UBQLN1: variants seen among roughly 807,000 people sequenced by gnomAD.
The protein encoded by UBQLN1 is ubiquilin 1, also known as ubiquilin-1.
UBQLN1 carries 13 observed loss-of-function variants against 65.4 expected under a neutral mutation model. That is an observed-to-expected ratio of 0.20 (90% CI 0.13 to 0.32). The LOEUF (loss-of-function observed/expected upper bound fraction) is 0.32. Ranked by LOEUF, UBQLN1 falls within the 10% of genes least tolerant of loss-of-function variation. The pLI, the probability that UBQLN1 is intolerant of heterozygous loss-of-function variation, is 1.00. For missense variants in UBQLN1, 561 were observed against 724.0 expected (o/e 0.77, Z 2.58); for synonymous variants, 267 against 247.8 (o/e 1.08, Z -0.73).
chr9:83,707,571 T>A lies in UBQLN1; in HGVS notation c.109A>T (p.Met37Leu). 1 of 1,609,484 alleles carries A rather than the reference T, an allele frequency of 6.2e-7. No individual in the cohort carries two copies. The highest frequency in any genetic ancestry group is 1.7e-4 in the Middle Eastern group (1 of 6,046). ...AAAASAEPKI[M>L]KVTVKTPKEK... ...TTCGGGGTCTTCACGGTGACTTTCA[T>A]GATTTTGGGCTCCGCGGAGGCAGCG... The change falls in exon 1 of 11, where the codon ATG (methionine) becomes TTG (leucine). Residue 37 changes from methionine (M) to leucine (L), a missense_variant. Physicochemically the swap from Met to Leu is conservative, Grantham distance 15 (BLOSUM62 2). This residue lies in a region of UBQLN1 where 101 missense variants were observed against 104.9 expected (regional missense o/e 0.96). Coordinates refer to ENST00000376395, the MANE Select transcript of UBQLN1 (RefSeq NM_013438.5).
Position 83,697,551 on chromosome 9 carries a change from C to CAAAAAAAAAA in UBQLN1, c.180+9939_180+9948dup, listed in dbSNP as rs750268209. On this transcript the variant is annotated intron_variant, in intron 1 of 10. Coordinates refer to ENST00000376395, the MANE Select transcript of UBQLN1 (RefSeq NM_013438.5). The stretch of plus-strand genomic sequence containing the variant: ...GGGGCAACAGTGCAAGACACTGTCT[C>CAAAAAAAAAA]AAAAAAAAAAAAAAAAAAAAAAAAA... 1.2e-4 allele frequency among the ~76,000 whole-genome samples: 4 copies of CAAAAAAAAAA among 34,476 alleles called. 1 individual carries two copies. The highest frequency in any genetic ancestry group is 4.4e-4 in the African/African-American group (4 of 9,032). 22.6% of individuals were successfully genotyped at this position (34,476 alleles called of 152,430 possible). A position where few individuals can be genotyped will look rare whatever the true frequency, so the allele number is the denominator to read the frequency against.
At chr9:83,662,267 T>TATAC (rs1471415720) in intron 10 of UBQLN1, among the ~76,000 whole-genome samples, 136 of 129,082 alleles carry the variant, frequency 1.1e-3, no homozygotes, top group Non-Finnish European at 1.9e-3. Flanking sequence ...TATATACATA[T>TATAC]ACATATACAC....
rs1168123688 is a variant in UBQLN1, at chr9:83,660,620, A to C, written c.*1167T>G. 6.6e-6 allele frequency: 1 copy of C among 152,156 alleles called. No individual in the cohort carries two copies. The highest frequency in any genetic ancestry group is 1.5e-5 in the Non-Finnish European group (1 of 68,022). The allele number at this position is 152,156 out of a possible 1,614,324, so 9.4% of individuals were successfully genotyped here. Reference sequence around the variant, plus strand: ...AAATCCTAACAGAATCTTGGTTGCCAGTATTATTTAAGCTGGCCCCATCCA... The same window carrying C: ...AAATCCTAACAGAATCTTGGTTGCCCGTATTATTTAAGCTGGCCCCATCCA... On this transcript the variant is annotated 3_prime_UTR_variant, in exon 11 of 11. Coordinates refer to ENST00000376395, the MANE Select transcript of UBQLN1 (RefSeq NM_013438.5).
chr9:83,688,937 A>G (rs1287899932), intron 1 of UBQLN1, among the ~76,000 whole-genome samples: 1 of 152,090 alleles, frequency 6.6e-6, no homozygotes, highest in Non-Finnish European at 1.5e-5. Flanking sequence ...TTTAAGCTTT[A>G]TGGAGACATA....
Position 83,665,225 on chromosome 9 carries a change from C to T in UBQLN1, c.1333-80G>A, listed in dbSNP as rs1043951800. 7 of 1,073,070 alleles carry T rather than the reference C, an allele frequency of 6.5e-6. No homozygotes were observed. The African/African-American group carries it at 1.1e-4, about 17-fold the overall frequency. The allele number at this position is 1,073,070 out of a possible 1,614,324, so 66.5% of individuals were successfully genotyped here. Reference sequence around the variant, plus strand: ...ATTTTTAAATCTTTTCTCTGTTATGCTTCTGGAGAAAATCTAAAACCTTAC... The same window carrying T: ...ATTTTTAAATCTTTTCTCTGTTATGTTTCTGGAGAAAATCTAAAACCTTAC... On this transcript the variant is annotated intron_variant, in intron 8 of 10. Transcript: ENST00000376395.
In UBQLN1 at chr9:83,707,886, T is replaced by TCGGCAGCCGCCGTGTGTTCAGGCGCC. The variant is rs1832447271; in HGVS notation, c.-233_-208dup. On this transcript the variant is annotated 5_prime_UTR_variant, in exon 1 of 11. Transcript: ENST00000376395. ...TCTGGCGCAGGCCCGGGTCAGGCGC[T>TCGGCAGCCGCCGTGTGTTCAGGCGCC]CGGCAGCCGCCGTGTGTTCAGGCGC... is the stretch of plus-strand genomic sequence containing the variant. 1.1e-5 allele frequency: 7 copies of TCGGCAGCCGCCGTGTGTTCAGGCGCC among 649,626 alleles called. No individual in the cohort carries two copies. Among genetic ancestry groups the TCGGCAGCCGCCGTGTGTTCAGGCGCC allele is most frequent in the Non-Finnish European group, 1.7e-5 (7 of 417,984 alleles). 40.2% of individuals were successfully genotyped at this position (649,626 alleles called of 1,614,324 possible).
intron 4 of UBQLN1, 117 bp from the exon 5 acceptor site, chr9:83,678,716 T>C (rs1831886000): frequency 6.8e-6 from 8 of 1,179,192 alleles, no homozygotes; most frequent in Non-Finnish European, 9.5e-6. Flanking sequence ...CTGTTTTGTT[T>C]TGTTTTTTTA....
intron 4 of UBQLN1, 60 bp from the exon 5 acceptor site, chr9:83,678,659 A>G: frequency 1.3e-6 from 2 of 1,509,296 alleles, no homozygotes; most frequent in Non-Finnish European, 9.0e-7. Flanking sequence ...CATGAATTAC[A>G]TTAATTACTT....
chr9:83,665,214 T>C (rs1831625257), intron 8 of UBQLN1, 69 bp from the exon 9 acceptor site: 3 of 1,184,290 alleles, frequency 2.5e-6, no homozygotes, highest in Non-Finnish European at 2.4e-6. Context: ...TTAAATCTTT[T>C]CTCTGTTATG....
chr9:83,681,577 G>A (rs775694796), intron 3 of UBQLN1, among the ~76,000 whole-genome samples: 1 of 152,224 alleles, frequency 6.6e-6, no homozygotes, highest in African/African-American at 2.4e-5. Context: ...AGAAGGTTAG[G>A]AGGGGGACTG....
intron 1 of UBQLN1, among the ~76,000 whole-genome samples, chr9:83,707,151 G>T (rs1033005182): frequency 6.6e-6 from 1 of 152,050 alleles, no homozygotes; most frequent in African/African-American, 2.4e-5. Flanking sequence ...CCTCCACCCC[G>T]CCCGGAGGCT....
chr9:83,680,115 CA>C (rs1180375117), intron 3 of UBQLN1, 78 bp from the exon 4 acceptor site: 76 of 1,435,830 alleles, frequency 5.3e-5, no homozygotes, highest in Non-Finnish European at 6.9e-5. Flanking sequence ...TATGAAGATG[CA>C]AAAAAGTATT....
intron 3 of UBQLN1, among the ~76,000 whole-genome samples, chr9:83,682,555 C>T (rs1403788523): frequency 6.6e-6 from 1 of 152,122 alleles, no homozygotes; most frequent in South Asian, 2.1e-4. Flanking sequence ...AGGCTGGCTT[C>T]CCAGACCCCC....
chr9:83,701,722 G>C (rs930710516), intron 1 of UBQLN1, among the ~76,000 whole-genome samples: 2 of 152,030 alleles, frequency 1.3e-5, no homozygotes, highest in African/African-American at 4.8e-5. Flanking sequence ...TAGTGGAAAT[G>C]TAAAATGGTA....
In UBQLN1 at chr9:83,678,383, A is replaced by G. The variant is rs769987155; in HGVS notation, c.870+58T>C. ...ATAAAAGCTACCCTCAATCATACAC[A>G]TATTTGTGTTAAAACAGAAGCTACT... On this transcript the variant is annotated intron_variant, in intron 5 of 10. Transcript: ENST00000376395. 1.9e-5 allele frequency: 29 copies of G among 1,548,498 alleles called. No individual in the cohort carries two copies. In the Admixed American group the frequency reaches 2.3e-4, roughly 12 times the overall value.
At chr9:83,702,348 G>T (rs919909978) in intron 1 of UBQLN1, among the ~76,000 whole-genome samples, 2 of 152,182 alleles carry the variant, frequency 1.3e-5, no homozygotes, top group African/African-American at 4.8e-5. Flanking sequence ...CTGTTAATCA[G>T]AATCATTAAA....
intron 1 of UBQLN1, among the ~76,000 whole-genome samples, chr9:83,692,320 G>T (rs1193482805): frequency 6.6e-6 from 1 of 152,166 alleles, no homozygotes; most frequent in Non-Finnish European, 1.5e-5. Context: ...AGAATAAAGA[G>T]AAAGTTTTCA....
intron 6 of UBQLN1, among the ~76,000 whole-genome samples, chr9:83,671,253 TG>T (rs1831725440): frequency 6.6e-6 from 1 of 152,322 alleles, no homozygotes; most frequent in East Asian, 1.9e-4. Flanking sequence ...TCCAAACTCC[TG>T]TTCATGTTGA....
chr9:83,679,680 A>C (rs1831907902), intron 4 of UBQLN1, 95 bp downstream of exon 4: 1 of 1,323,838 alleles, frequency 7.6e-7, no homozygotes, highest in South Asian at 1.5e-5. Flanking sequence ...TCTTTAGCTT[A>C]ACCATACATA....
Sources: allele counts gnomAD v4.1 joint callset (sites outside exome capture counted in the v4.1 genomes callset), GRCh38; gene constraint gnomAD v4.1.1; regional missense constraint gnomAD v4.1.1; transcripts MANE v1.5; gene names NCBI Gene and HGNC (gene_info 2026-07-23, HGNC 2026-07-21).